Variants in CPNE7 observed in about 807,000 individuals in gnomAD.
CPNE7 encodes the protein copine 7.
CPNE7 carries 78 observed loss-of-function variants against 66.5 expected under a neutral mutation model. That is an observed-to-expected ratio of 1.17 (90% CI 0.98 to 1.42). The LOEUF (loss-of-function observed/expected upper bound fraction) is 1.42, where lower values mean the gene tolerates loss of function less well. Ranked by LOEUF, CPNE7 falls within the 40% of genes most tolerant of loss-of-function variation. CPNE7 has a pLI of 0.00. For missense variants in CPNE7, 1,012 were observed against 776.6 expected (o/e 1.30, Z -3.60); for synonymous variants, 468 against 336.7 (o/e 1.39, Z -4.27).
chr16:89,580,917 T>TCTCACCCATCACAC (rs2058946014), intron 2 of CPNE7, among the ~76,000 whole-genome samples: 1 of 91,568 alleles, frequency 1.1e-5, no homozygotes, highest in South Asian at 3.9e-4. Context: ...ACCCGTCACA[T>TCTCACCCATCACAC]GGAACATCTC....
intron 2 of CPNE7, among the ~76,000 whole-genome samples, chr16:89,581,750 T>C (rs2058962302): frequency 6.6e-6 from 1 of 152,118 alleles, no homozygotes; most frequent in South Asian, 2.1e-4. Context: ...GCTCAAGCAA[T>C]CCTCTCACCT....
chr16:89,586,611 C>G, intron 7 of CPNE7, 59 bp from the exon 8 acceptor site: 1 of 1,416,774 alleles, frequency 7.1e-7, no homozygotes. Context: ...TGGGTAGGGT[C>G]TCCCTGGTAG....
At chr16:89,579,589 C>T (rs1239013857) in intron 2 of CPNE7, among the ~76,000 whole-genome samples, 1 of 150,738 alleles carries the variant, frequency 6.6e-6, no homozygotes, top group East Asian at 2.0e-4. Flanking sequence ...TCACCCGTCA[C>T]ACAGAACATC....
At position 89,575,908 on chromosome 16, in the gene CPNE7, GC is replaced by G. The variant is rs2058852615; in HGVS notation, c.12del (p.Ser5ArgfsTer122). MSA[G>X]SERGAAATPG... ...CCGAACGCCGGGAGCATGAGCGCGG[GC>G]TCGGAGCGCGGGGCGGCGGCAACCC... On this transcript the variant is annotated frameshift_variant, in exon 1 of 15. Coordinates refer to ENST00000319518, the MANE Select transcript of CPNE7 (RefSeq NM_153636.3). LOFTEE classifies it high-confidence loss of function. The G allele has an allele frequency of 1.6e-6, 2 of 1,241,262 alleles. No homozygotes were observed. The highest frequency in any genetic ancestry group is 4.3e-5 in the Admixed American group (1 of 23,474). 76.9% of individuals were successfully genotyped at this position (1,241,262 alleles called of 1,614,324 possible). A position where few individuals can be genotyped will look rare whatever the true frequency, so the allele number is the denominator to read the frequency against.
At chr16:89,595,733 G>C (rs937811837) in intron 14 of CPNE7, 130 bp downstream of exon 14, 5 of 848,396 alleles carry the variant, frequency 5.9e-6, no homozygotes, top group Admixed American at 5.4e-5. Context: ...GGGGGATCCT[G>C]GGCTGTTCCC....
At chr16:89,585,360 C>A in intron 5 of CPNE7, 104 bp from the exon 6 acceptor site, 1 of 790,210 alleles carries the variant, frequency 1.3e-6, no homozygotes, top group East Asian at 2.7e-5. Flanking sequence ...AGGGGCAGGG[C>A]CAGCTGTGCC....
chr16:89,579,716 A>G (rs2058918549), intron 2 of CPNE7, among the ~76,000 whole-genome samples: 1 of 146,142 alleles, frequency 6.8e-6, no homozygotes, highest in Non-Finnish European at 1.5e-5. Flanking sequence ...ACATCCCATC[A>G]CCCATCACAC....
intron 9 of CPNE7, among the ~76,000 whole-genome samples, chr16:89,588,293 A>C (rs2059115918): frequency 6.6e-6 from 1 of 152,224 alleles, no homozygotes; most frequent in South Asian, 2.1e-4. Context: ...CGAGCCCCAG[A>C]ATGGCTTTGG....
chr16:89,585,585 AG>A lies in CPNE7; in HGVS notation c.681+37del, dbSNP rs1434762531. The A allele has an allele frequency of 2.8e-6, 4 of 1,432,882 alleles. No homozygotes were observed. In the African/African-American group the frequency reaches 4.4e-5, roughly 16 times the overall value. The allele number at this position is 1,432,882 out of a possible 1,614,324, so 88.8% of individuals were successfully genotyped here. The stretch of plus-strand genomic sequence containing the variant: ...GACGGGATGGACCAAGGGGGCAGTG[AG>A]GGGGTGGCCTGGATGTGGGCTGCGA... On this transcript the variant is annotated intron_variant, in intron 6 of 14. Transcript: ENST00000319518.
chr16:89,595,332 G>C (rs774322654), intron 13 of CPNE7, 35 bp from the exon 14 acceptor site: 10 of 1,517,052 alleles, frequency 6.6e-6, no homozygotes, highest in Middle Eastern at 1.8e-4. Flanking sequence ...GCCATGGCAG[G>C]TGTGGTGTTG....
chr16:89,583,594 G>T (rs1296260248), intron 2 of CPNE7, 103 bp from the exon 3 acceptor site: 1 of 1,605,656 alleles, frequency 6.2e-7, no homozygotes. Context: ...GGGGGATGGG[G>T]AGACAGGACA....
Position 89,596,588 on chromosome 16 carries a change from T to C in CPNE7, c.1644T>C (p.Pro548=), listed in dbSNP as rs1341015704. ...TGCCCCCGAGAAGCCTGGGTGTCCC[T>C]GCCGGAGAGGCCAGCCCAGGCTGCA... ...RGLPPRSLGV[P]AGEASPGCTP The change falls in exon 15 of 15, where the codon CCT becomes CCC. Residue 548 remains proline, a synonymous_variant. Transcript: ENST00000319518. 2 of 1,606,806 alleles carry C rather than the reference T, an allele frequency of 1.2e-6. No individual in the cohort carries two copies. The highest frequency in any genetic ancestry group is 1.7e-5 in the Admixed American group (1 of 59,636).
At chr16:89,580,615 C>T (rs1201689658) in intron 2 of CPNE7, among the ~76,000 whole-genome samples, 45 of 120,922 alleles carry the variant, frequency 3.7e-4, no homozygotes, top group East Asian at 1.1e-3. Context: ...CCCGCTGACA[C>T]GGAACATCTC....
In CPNE7 at chr16:89,595,568, A is replaced by G. The variant is rs759074275; in HGVS notation, c.1504A>G (p.Ile502Val). The change falls in exon 14 of 15, where the codon ATC becomes GTC. Residue 502 changes from isoleucine (I) to valine (V), a missense_variant. By Grantham distance (29) the Ile-to-Val change is conservative. Coordinates refer to ENST00000319518, the MANE Select transcript of CPNE7 (RefSeq NM_153636.3). ...SPRGEPALRD[I>V]VQFVPFRELK... Reference sequence around the variant, plus strand: ...ACGGGGTGAGCCCGCGCTCCGGGACATCGTACAGTTCGTGCCCTTCCGGGA... The same window carrying G: ...ACGGGGTGAGCCCGCGCTCCGGGACGTCGTACAGTTCGTGCCCTTCCGGGA... The G allele has an allele frequency of 4.7e-5, 76 of 1,610,972 alleles. No homozygotes were observed. In the East Asian group the frequency reaches 9.8e-4, roughly 21 times the overall value.
chr16:89,578,905 G>GTGCTGGGCCC lies in CPNE7; in HGVS notation c.357+1191_357+1200dup. 1.9e-6 allele frequency: 3 copies of GTGCTGGGCCC among 1,613,816 alleles called. No individual in the cohort carries two copies. The Admixed American group carries it at 5.0e-5, about 27-fold the overall frequency. On this transcript the variant is annotated intron_variant, in intron 2 of 14. Coordinates refer to ENST00000319518, the MANE Select transcript of CPNE7 (RefSeq NM_153636.3). ...AGTCGTGATGAGAGTGTCTGTTGAT[G>GTGCTGGGCCC]TGCTGGGCCCTGCTGGACACTGCGC...
intron 9 of CPNE7, among the ~76,000 whole-genome samples, chr16:89,588,365 G>T (rs1239197874): frequency 1.3e-5 from 2 of 152,354 alleles, no homozygotes; most frequent in East Asian, 3.9e-4. Context: ...CTTAGGCCCT[G>T]CCGGGGAGGG....
intron 2 of CPNE7, among the ~76,000 whole-genome samples, chr16:89,582,300 A>G (rs1031124961): frequency 3.9e-5 from 6 of 152,136 alleles, no homozygotes; most frequent in Non-Finnish European, 7.3e-5. Context: ...CTCAGCCCAG[A>G]GCCAGGGATC....
At position 89,589,113 on chromosome 16, in the gene CPNE7, G is replaced by A. The variant is rs369158839; in HGVS notation, c.1061+305G>A. ...TTGAGACCAGCCTGGCCAACATGGTGAAACCCCATCTCTACTGAAAATACA... is the reference window on the plus strand; with the variant it reads ...TTGAGACCAGCCTGGCCAACATGGTAAAACCCCATCTCTACTGAAAATACA... On this transcript the variant is annotated intron_variant, in intron 10 of 14. Transcript: ENST00000319518. 1.6e-4 allele frequency among the ~76,000 whole-genome samples: 24 copies of A among 152,328 alleles called. 1 individual carries two copies. Among genetic ancestry groups the A allele is most frequent in the African/African-American group, 5.8e-4 (24 of 41,576 alleles).
intron 11 of CPNE7, 111 bp downstream of exon 11, chr16:89,590,062 G>T: frequency 8.0e-7 from 1 of 1,257,344 alleles, no homozygotes; most frequent in East Asian, 2.5e-5. Flanking sequence ...ACCGGAGACT[G>T]TAGGATGGGA....
Sources: allele counts gnomAD v4.1 joint callset (sites outside exome capture counted in the v4.1 genomes callset), GRCh38; gene constraint gnomAD v4.1.1; transcripts MANE v1.5; gene names NCBI Gene and HGNC (gene_info 2026-07-23, HGNC 2026-07-21).